Variants in CASKIN1 observed in about 807,000 individuals in gnomAD.
CASKIN1 encodes caskin-1.
CASKIN1 carries 42 observed loss-of-function variants against 117.5 expected under a neutral mutation model. The observed-to-expected ratio is 0.36, with a 90% CI of 0.28 to 0.46. The LOEUF (loss-of-function observed/expected upper bound fraction) is 0.46. Among genes scored for constraint, CASKIN1 ranks in the 20% least tolerant of loss-of-function variants. The pLI is 1.00. For missense variants in CASKIN1, 2,083 were observed against 2,077.3 expected (o/e 1.00, Z -0.05); for synonymous variants, 1,148 against 961.7 (o/e 1.19, Z -3.59).
In CASKIN1 at chr16:2,181,495, A is replaced by G; in HGVS notation, c.1873T>C (p.Ser625Pro). Reference sequence around the variant, plus strand: ...GACTCGATGGCCATCACTTCAAGAGACTGGGGCGCCTTCCGGCGCAGGGGG... The same window carrying G: ...GACTCGATGGCCATCACTTCAAGAGGCTGGGGCGCCTTCCGGCGCAGGGGG... ...GGPLRRKAPQ[S>P]LEVMAIESPP... Residue 625 changes from serine (S) to proline (P), a missense_variant, in exon 18 of 20, where the codon TCT becomes CCT. Physicochemically the swap from Ser to Pro is moderately conservative, Grantham distance 74. Transcript: ENST00000343516. 1 of 1,610,834 alleles carries G rather than the reference A, an allele frequency of 6.2e-7. No homozygotes were observed.
intron 1 of CASKIN1, among the ~76,000 whole-genome samples, chr16:2,195,635 A>C (rs959723174): frequency 6.6e-6 from 1 of 151,614 alleles, no homozygotes; most frequent in East Asian, 2.0e-4. Flanking sequence ...GTGGTCCCCC[A>C]CTCCCTCATG....
At position 2,180,096 on chromosome 16, in the gene CASKIN1, A is replaced by C; in HGVS notation, c.3272T>G (p.Val1091Gly). ...PGESADPGPF[V>G]EDGTGRQRPR... ...CCGCTGCCGGCCAGTGCCATCCTCC[A>C]CAAAGGGGCCTGGGTCTGCCGACTC... Residue 1091 changes from valine (V) to glycine (G), a missense_variant, in exon 18 of 20, where the codon GTG becomes GGG. Val to Gly is a moderately radical substitution (Grantham distance 109, BLOSUM62 -3). This residue lies in a region of CASKIN1 where 1,818 missense variants were observed against 1,688.9 expected (regional missense o/e 1.08). Coordinates refer to ENST00000343516, the MANE Select transcript of CASKIN1 (RefSeq NM_020764.4). The C allele has an allele frequency of 1.3e-6, 2 of 1,561,798 alleles. No homozygotes were observed. The highest frequency in any genetic ancestry group is 1.7e-6 in the Non-Finnish European group (2 of 1,154,476).
intron 1 of CASKIN1, among the ~76,000 whole-genome samples, chr16:2,194,334 C>A (rs963830028): frequency 3.3e-5 from 5 of 152,178 alleles, no homozygotes; most frequent in African/African-American, 1.2e-4. Flanking sequence ...GAACAGGCTC[C>A]TCTTCCCCTC....
chr16:2,187,698 T>G (rs1166241133), intron 6 of CASKIN1, among the ~76,000 whole-genome samples: 1 of 152,204 alleles, frequency 6.6e-6, no homozygotes, highest in Non-Finnish European at 1.5e-5. Flanking sequence ...CTCGGCTCAC[T>G]ACAGCCTCCA....
chr16:2,181,352 C>A lies in CASKIN1; in HGVS notation c.2016G>T (p.Gly672=), dbSNP rs372558539. ...QAAMTGPAEV[G]PTTEKPSSHL... is the part of the protein sequence containing the mutation. ...GGCTGGAGGGCTTCTCAGTGGTGGG[C>A]CCCACCTCAGCCGGGCCAGTCATGG... The change falls in exon 18 of 20, where the codon GGG becomes GGT. Residue 672 remains glycine, a synonymous_variant. Coordinates refer to ENST00000343516, the MANE Select transcript of CASKIN1 (RefSeq NM_020764.4). The A allele has an allele frequency of 6.2e-7, 1 of 1,605,908 alleles. No individual in the cohort carries two copies. The highest frequency in any genetic ancestry group is 1.7e-5 in the Admixed American group (1 of 59,476).
rs1386574727 is a variant in CASKIN1, at chr16:2,182,613, G to A, written c.1630-684C>T. ...AGGATCCCCGAGCCACCAATTGAGT[G>A]AGGCAAGGCAGGGTGAGTGCAGACC... On this transcript the variant is annotated intron_variant, in intron 16 of 19. Coordinates refer to ENST00000343516, the MANE Select transcript of CASKIN1 (RefSeq NM_020764.4). The surrounding 1 kb of genome is among the most constrained non-coding windows in gnomAD (Gnocchi z 4.1). 6.6e-6 allele frequency among the ~76,000 whole-genome samples: 1 copy of A among 152,234 alleles called. No homozygotes were observed. Among genetic ancestry groups the A allele is most frequent in the African/African-American group, 2.4e-5 (1 of 41,456 alleles).
rs1181719330 is a variant in CASKIN1 at position 2,180,676 on chromosome 16, G to T, written c.2692C>A (p.Leu898Met). Residue 898 changes from leucine to methionine, a missense_variant, in exon 18 of 20, where the codon CTG becomes ATG. Leu to Met is a conservative substitution (Grantham distance 15). This residue lies in a region of CASKIN1 where 1,818 missense variants were observed against 1,688.9 expected (regional missense o/e 1.08). Transcript: ENST00000343516. ...GGGCCGGCAGCCGCAGGCACCAGCA[G>T]CTCGTCCCGCTCCGGCTCGCTGTCG... is the stretch of plus-strand genomic sequence containing the variant. ...ASDSEPERDE[L>M]LVPAAAGPYA... is the part of the protein sequence containing the mutation. 6.6e-6 allele frequency: 10 copies of T among 1,509,922 alleles called. No homozygotes were observed. Among genetic ancestry groups the T allele is most frequent in the Non-Finnish European group, 8.8e-6 (10 of 1,134,146 alleles). The allele number at this position is 1,509,922 out of a possible 1,614,324, so 93.5% of individuals were successfully genotyped here.
rs2093198510 is a variant in CASKIN1, at chr16:2,190,427, G to C, written c.95-69C>G. The C allele has an allele frequency of 3.6e-6, 5 of 1,406,762 alleles. No individual in the cohort carries two copies. In the Admixed American group the frequency reaches 1.0e-4, roughly 28 times the overall value. The allele number at this position is 1,406,762 out of a possible 1,614,324, so 87.1% of individuals were successfully genotyped here. On this transcript the variant is annotated intron_variant, in intron 1 of 19. Coordinates refer to ENST00000343516, the MANE Select transcript of CASKIN1 (RefSeq NM_020764.4). ...CCTCCAGGCGGCCTGAGGGCAGGGA[G>C]AGGGGGCCAGCCATCTCCCCGGCAG...
chr16:2,185,533 G>T, intron 10 of CASKIN1, 125 bp from the exon 11 acceptor site: 1 of 781,106 alleles, frequency 1.3e-6, no homozygotes, highest in Non-Finnish European at 2.0e-6. Context: ...TGTCTCCAGG[G>T]AGCTGATAGC....
At chr16:2,195,092 C>T (rs1361556638) in intron 1 of CASKIN1, among the ~76,000 whole-genome samples, 4 of 152,248 alleles carry the variant, frequency 2.6e-5, no homozygotes, top group African/African-American at 9.6e-5. Flanking sequence ...GCTCTCCAGG[C>T]TCAGCTGAGG....
rs779145728 is a variant in CASKIN1, at chr16:2,189,076, T to C, written c.568A>G (p.Thr190Ala). The C allele has an allele frequency of 6.2e-7, 1 of 1,613,686 alleles. No homozygotes were observed. The highest frequency in any genetic ancestry group is 8.5e-7 in the Non-Finnish European group (1 of 1,179,852). The change falls in exon 6 of 20, where the codon ACC (threonine) becomes GCC (alanine). Residue 190 changes from threonine (T) to alanine (A), a missense_variant. Thr to Ala is a moderately conservative substitution (Grantham distance 58). Around this residue, in one of 3 missense-constraint regions of CASKIN1, gnomAD observed 203 missense variants for 338.7 expected, o/e 0.60. Coordinates refer to ENST00000343516, the MANE Select transcript of CASKIN1 (RefSeq NM_020764.4). ...TTAGCTGCGAGGTGCAAAGGGCTGG[T>C]GCCGTTGGGGTCGGTGGCGTCTCCC... ...RPGDATDPNG[T>A]SPLHLAAKNG...
chr16:2,189,018 C>A lies in CASKIN1; in HGVS notation c.617+9G>T, dbSNP rs567192901. 1.9e-5 allele frequency: 31 copies of A among 1,607,186 alleles called. No homozygotes were observed. In the East Asian group the frequency reaches 6.5e-4, roughly 34 times the overall value. On this transcript the variant is annotated intron_variant, in intron 6 of 19. Transcript: ENST00000343516. The stretch of plus-strand genomic sequence containing the variant: ...CTAAGGCTGAGGCCCTCCCTGCTAC[C>A]GGCTCTACCTGATGATGTCGATGTG...
In CASKIN1 at chr16:2,178,412, C is replaced by T. The variant is rs923863192; in HGVS notation, c.*138G>A. 2 of 587,564 alleles carry T rather than the reference C, an allele frequency of 3.4e-6. No individual in the cohort carries two copies. Among genetic ancestry groups the T allele is most frequent in the Non-Finnish European group, 5.4e-6 (2 of 372,526 alleles). The allele number at this position is 587,564 out of a possible 1,614,324, so 36.4% of individuals were successfully genotyped here. On this transcript the variant is annotated 3_prime_UTR_variant, in exon 20 of 20. Transcript: ENST00000343516. ...GCGGTCCCCGGTGGGCGCCCCGGCCCGGGTCCAGGGGCCGGAGTTGTGCTT... is the reference window on the plus strand; with the variant it reads ...GCGGTCCCCGGTGGGCGCCCCGGCCTGGGTCCAGGGGCCGGAGTTGTGCTT...
At chr16:2,185,238 C>T in intron 11 of CASKIN1, 39 bp from the exon 12 acceptor site, 1 of 1,605,082 alleles carries the variant, frequency 6.2e-7, no homozygotes, top group Non-Finnish European at 8.5e-7. Context: ...CAGTGCCGGC[C>T]CCTGCCTGGC....
chr16:2,185,469 G>A (rs1253335054), intron 10 of CASKIN1, 61 bp from the exon 11 acceptor site: 2 of 1,412,332 alleles, frequency 1.4e-6, no homozygotes, highest in African/African-American at 1.4e-5. Context: ...TGACGCAGGG[G>A]AGGCAGGACA....
At chr16:2,181,726 T>TGGC in intron 17 of CASKIN1, 65 bp downstream of exon 17, 2 of 1,443,064 alleles carry the variant, frequency 1.4e-6, no homozygotes, top group East Asian at 5.4e-5. Context: ...GCTGGGCTGG[T>TGGC]GGCTGGTGGC....
At chr16:2,190,916 G>A (rs2093199883) in intron 1 of CASKIN1, among the ~76,000 whole-genome samples, 1 of 152,220 alleles carries the variant, frequency 6.6e-6, no homozygotes, top group South Asian at 2.1e-4. Flanking sequence ...AGGCAGGCGA[G>A]TGGGCTGGCA....
chr16:2,196,441 CG>C lies in CASKIN1; in HGVS notation c.-10del, dbSNP rs1425104049. On this transcript the variant is annotated 5_prime_UTR_variant, in exon 1 of 20. Transcript: ENST00000343516. This position sits in a 1 kb window ranked among gnomAD's most constrained non-coding sequence, Gnocchi z 5.7. Reference sequence around the variant, plus strand: ...TCCTGCTCCTTCCCCATGGCGCGGCCGGGGCCGCAGCGACGCGGCTGCGCTC... The same window carrying C: ...TCCTGCTCCTTCCCCATGGCGCGGCCGGGCCGCAGCGACGCGGCTGCGCTC... The C allele has an allele frequency of 4.8e-6, 6 of 1,254,430 alleles. No individual in the cohort carries two copies. Among genetic ancestry groups the C allele is most frequent in the South Asian group, 1.8e-5 (1 of 56,286 alleles). The allele number at this position is 1,254,430 out of a possible 1,614,324, so 77.7% of individuals were successfully genotyped here.
At chr16:2,183,554 C>T (rs951034393) in intron 16 of CASKIN1, 92 bp downstream of exon 16, 19 of 1,241,558 alleles carry the variant, frequency 1.5e-5, no homozygotes, top group Middle Eastern at 2.5e-4. Context: ...CCCCTGAGGG[C>T]GGGTGGGAGT....
Sources: gnomAD v4.1 joint callset for allele counts (sites outside exome capture counted in the v4.1 genomes callset) on GRCh38, gnomAD v4.1.1 for gene constraint, gnomAD v4.1.1 regional missense constraint, Gnocchi (gnomAD v3.1) non-coding constraint, MANE v1.5 for transcripts, NCBI Gene and HGNC (gene_info 2026-07-23, HGNC 2026-07-21) for gene names.